Variants in SYN2 observed in about 807,000 individuals in gnomAD.
SYN2 encodes synapsin-2.
A neutral mutation model predicts 50.9 loss-of-function variants in SYN2; 19 were observed. The ratio of observed to expected loss-of-function variants is 0.37; its 90% CI spans 0.26 to 0.55. The LOEUF is 0.55. SYN2 is among the 20% of genes least tolerant of loss of function. SYN2 has a pLI of 0.81. For synonymous variants in SYN2, 255 were observed against 224.9 expected, an observed-to-expected ratio of 1.13 and a Z score of -1.20; for missense variants, 587 against 576.4, an observed-to-expected ratio of 1.02 and a Z score of -0.19.
intron 1 of SYN2, among the ~76,000 whole-genome samples, chr3:12,023,919 A>G (rs955010105): frequency 3.3e-5 from 5 of 152,034 alleles, no homozygotes; most frequent in Non-Finnish European, 7.4e-5. Flanking sequence ...GTCCTGGGGT[A>G]AAGGAGCTTT....
chr3:12,108,184 T>C (rs1175303863), intron 1 of SYN2, among the ~76,000 whole-genome samples: 1 of 152,164 alleles, frequency 6.6e-6, no homozygotes. Context: ...CACTCGAGCC[T>C]GTCTCAAAAA....
In SYN2 at chr3:12,143,726, C is replaced by CT. The variant is rs1175202449; in HGVS notation, c.527+1731dup. Among the ~76,000 whole-genome samples, 3 of 152,152 alleles carry CT rather than the reference C, an allele frequency of 2.0e-5. No individual in the cohort carries two copies. The East Asian group carries it at 5.8e-4, about 29-fold the overall frequency. On this transcript the variant is annotated intron_variant, in intron 3 of 12. Coordinates refer to ENST00000621198, the MANE Select transcript of SYN2 (RefSeq NM_133625.6). ...AGGTTGATTCCATGACTTTGCTACT[C>CT]TGAGTAGTGCTGCAATAAACATATG...
intron 1 of SYN2, among the ~76,000 whole-genome samples, chr3:12,086,096 G>A (rs1483147477): frequency 1.3e-5 from 2 of 152,112 alleles, no homozygotes; most frequent in Non-Finnish European, 2.9e-5. Flanking sequence ...AGTAGCACAA[G>A]AGACTTCTAT....
chr3:12,108,444 G>A (rs1399747026), intron 1 of SYN2, among the ~76,000 whole-genome samples: 3 of 152,168 alleles, frequency 2.0e-5, no homozygotes, highest in African/African-American at 4.8e-5. Context: ...GCTGCTATAA[G>A]CCATAAACCC....
At chr3:12,034,401 T>C (rs1694450227) in intron 1 of SYN2, among the ~76,000 whole-genome samples, 2 of 152,234 alleles carry the variant, frequency 1.3e-5, no homozygotes, top group South Asian at 2.1e-4. Context: ...ATTGAGTCTT[T>C]CTGTTGTTGA....
At chr3:12,151,931 CGGTT>C (rs1697308804) in intron 5 of SYN2, among the ~76,000 whole-genome samples, 1 of 152,166 alleles carries the variant, frequency 6.6e-6, no homozygotes, top group Non-Finnish European at 1.5e-5. Context: ...AGAGATGGGA[CGGTT>C]GGTTGGTAAG....
intron 1 of SYN2, among the ~76,000 whole-genome samples, chr3:12,020,041 A>G (rs904477170): frequency 6.6e-5 from 10 of 152,192 alleles, no homozygotes; most frequent in Non-Finnish European, 1.3e-4. Context: ...CGTAGGTTGG[A>G]TGAAAATAAT....
intron 1 of SYN2, among the ~76,000 whole-genome samples, chr3:12,011,072 A>T (rs1693902312): frequency 6.6e-6 from 1 of 152,222 alleles, no homozygotes; most frequent in African/African-American, 2.4e-5. Context: ...CAGAAAAACC[A>T]AGATACAACT....
At chr3:12,044,160 T>TTCTCTCTCTC (rs150236284) in intron 1 of SYN2, among the ~76,000 whole-genome samples, 2,122 of 135,546 alleles carry the variant, frequency 0.016, 31 homozygotes, top group African/African-American at 0.036. Context: ...GAAGGCAAAG[T>TTCTCTCTCTC]TCTCTCTCTC....
intron 1 of SYN2, among the ~76,000 whole-genome samples, chr3:12,010,049 C>T (rs1028578862): frequency 1.3e-5 from 2 of 152,050 alleles, no homozygotes; most frequent in Non-Finnish European, 2.9e-5. Flanking sequence ...GAGCCGAGAT[C>T]GCACCACTGC....
intron 1 of SYN2, among the ~76,000 whole-genome samples, chr3:12,126,668 T>C (rs1179373752): frequency 1.3e-5 from 2 of 152,226 alleles, no homozygotes; most frequent in Admixed American, 1.3e-4. Flanking sequence ...CCAGTAGTTG[T>C]ATGACCTTGA....
intron 1 of SYN2, among the ~76,000 whole-genome samples, chr3:12,010,910 G>A (rs1464674461): frequency 1.3e-5 from 2 of 152,214 alleles, no homozygotes; most frequent in Non-Finnish European, 2.9e-5. Context: ...GATGCCTGCT[G>A]TGTATATTTC....
At chr3:12,184,603 T>C (rs1480591248) in intron 11 of SYN2, 2 of 985,800 alleles carry the variant, frequency 2.0e-6, no homozygotes, top group African/African-American at 1.7e-5. Context: ...GGTCCAAAGA[T>C]TGAGGAGCTT....
chr3:12,157,599 G>T, intron 5 of SYN2: 1 of 946,052 alleles, frequency 1.1e-6, no homozygotes, highest in Non-Finnish European at 1.6e-6. Context: ...TTTTGGTGTG[G>T]CTGGGTTGTG....
chr3:12,071,207 C>T, intron 1 of SYN2: 1 of 552,714 alleles, frequency 1.8e-6, no homozygotes, highest in Non-Finnish European at 3.7e-6. Flanking sequence ...GCACCCAGCA[C>T]CATGAAGATC....
At chr3:12,048,919 G>A (rs1240630718) in intron 1 of SYN2, among the ~76,000 whole-genome samples, 2 of 152,128 alleles carry the variant, frequency 1.3e-5, no homozygotes, top group Non-Finnish European at 2.9e-5. Context: ...GTTGGTTTAT[G>A]GATTTTACAA....
chr3:12,030,441 T>G (rs1008514196), intron 1 of SYN2, among the ~76,000 whole-genome samples: 1 of 140,116 alleles, frequency 7.1e-6, no homozygotes, highest in African/African-American at 2.6e-5. Context: ...TGGAATAGTT[T>G]CAGAAGGAAT....
chr3:12,038,379 A>T (rs535308619), intron 1 of SYN2, among the ~76,000 whole-genome samples: 57 of 152,140 alleles, frequency 3.7e-4, no homozygotes, highest in East Asian at 1.9e-3. Flanking sequence ...TTGTTTTTTA[A>T]AAAAAAACTT....
At chr3:12,125,053 C>T (rs979775188) in intron 1 of SYN2, among the ~76,000 whole-genome samples, 10 of 151,110 alleles carry the variant, frequency 6.6e-5, no homozygotes, top group East Asian at 5.9e-4. Context: ...CTCACCCTGT[C>T]GCCCAGGCTG....
Sources: allele counts gnomAD v4.1 joint callset (sites outside exome capture counted in the v4.1 genomes callset), GRCh38; gene constraint gnomAD v4.1.1; transcripts MANE v1.5; gene names NCBI Gene and HGNC (gene_info 2026-07-23, HGNC 2026-07-21).